SF3A3: variants seen among roughly 807,000 people sequenced by gnomAD.
SF3A3 encodes the protein splicing factor 3a subunit 3, also known as SAP 61.
SF3A3 carries 9 observed loss-of-function variants against 85.8 expected under a neutral mutation model. That is an observed-to-expected ratio of 0.10 (90% CI 0.06 to 0.18). The LOEUF is 0.18. SF3A3 is among the 10% of genes least tolerant of loss of function. SF3A3 has a pLI of 1.00. For synonymous variants in SF3A3, 195 were observed against 204.4 expected, an observed-to-expected ratio of 0.95 and a Z score of 0.39; for missense variants, 306 against 593.3, an observed-to-expected ratio of 0.52 and a Z score of 5.03.
chr1:37,976,105 C>CGGATTACACCACTGTACTCCAGCCT (rs1646377856), intron 12 of SF3A3, among the ~76,000 whole-genome samples: 1 of 151,422 alleles, frequency 6.6e-6, no homozygotes, highest in East Asian at 1.9e-4. Context: ...GCAGTGAGCC[C>CGGATTACACCACTGTACTCCAGCCT]GGATTACACC....
chr1:37,985,879 C>T (rs902565233), intron 4 of SF3A3, among the ~76,000 whole-genome samples: 2 of 151,756 alleles, frequency 1.3e-5, no homozygotes, highest in African/African-American at 4.8e-5. Context: ...TCCCTGTGCT[C>T]CTTCAAATAA....
rs10699691 is a variant in SF3A3 at position 37,961,759 on chromosome 1, C to CAAAAAAAAAAAAAAAAAAAAAAAAAAAA, written c.1373-1585_1373-1584insTTTTTTTTTTTTTTTTTTTTTTTTTTTT. Among the ~76,000 whole-genome samples the CAAAAAAAAAAAAAAAAAAAAAAAAAAAA allele has an allele frequency of 5.3e-5, 2 of 37,802 alleles. 1 individual carries two copies. The highest frequency in any genetic ancestry group is 2.6e-3 in the East Asian group (2 of 776). The allele number at this position is 37,802 out of a possible 152,430, so 24.8% of individuals were successfully genotyped here. A position where few individuals can be genotyped will look rare whatever the true frequency, so the allele number is the denominator to read the frequency against. Reference sequence around the variant, plus strand: ...AGCCTGGGTGACAAAGCAAGACTGCCAAAAAAAAAAAAAAAAAAAAAAAAG... The same window carrying CAAAAAAAAAAAAAAAAAAAAAAAAAAAA: ...AGCCTGGGTGACAAAGCAAGACTGCCAAAAAAAAAAAAAAAAAAAAAAAAAAAAAAAAAAAAAAAAAAAAAAAAAAAAG... On this transcript the variant is annotated intron_variant, in intron 15 of 16. Coordinates refer to ENST00000373019, the MANE Select transcript of SF3A3 (RefSeq NM_006802.4).
Position 37,969,421 on chromosome 1 carries a change from T to G in SF3A3, c.1214A>C (p.Asn405Thr). Residue 405 changes from asparagine to threonine, a missense_variant, in exon 14 of 17, where the codon AAC (asparagine) becomes ACC (threonine). This residue lies in a region of SF3A3 where 136 missense variants were observed against 296.6 expected (regional missense o/e 0.46). Coordinates refer to ENST00000373019, the MANE Select transcript of SF3A3 (RefSeq NM_006802.4). ...GTTTCCACAAATCTCACAGTTGTAG[T>G]TGATATTTAGGCCATGAAGCTTATA... The part of the protein sequence containing the change: ...WLYKLHGLNI[N>T]YNCEICGNYT... 1 of 1,613,106 alleles carries G rather than the reference T, an allele frequency of 6.2e-7. No individual in the cohort carries two copies. The highest frequency in any genetic ancestry group is 1.1e-5 in the South Asian group (1 of 91,038).
chr1:37,969,854 C>G (rs1284056558), intron 12 of SF3A3, 119 bp from the exon 13 acceptor site: 2 of 1,110,242 alleles, frequency 1.8e-6, no homozygotes, highest in Non-Finnish European at 2.5e-6. Context: ...TTCTTTCTTA[C>G]AGAATAAAGG....
chr1:37,978,586 A>G (rs1304875883), intron 11 of SF3A3, 134 bp downstream of exon 11: 1 of 611,614 alleles, frequency 1.6e-6, no homozygotes, highest in Non-Finnish European at 3.0e-6. Flanking sequence ...ATTAGCAGAG[A>G]TAAAGAGCAG....
At chr1:37,973,497 T>G (rs952777449) in intron 12 of SF3A3, among the ~76,000 whole-genome samples, 7 of 152,174 alleles carry the variant, frequency 4.6e-5, no homozygotes, top group Non-Finnish European at 8.8e-5. Flanking sequence ...ACAAAGAATC[T>G]ACAAAGAGAA....
intron 4 of SF3A3, among the ~76,000 whole-genome samples, chr1:37,986,218 G>C (rs1264727885): frequency 6.6e-6 from 1 of 152,090 alleles, no homozygotes; most frequent in East Asian, 1.9e-4. Context: ...AAAGTGCTGG[G>C]ATTACAGGCG....
chr1:37,969,022 T>C (rs1646320941), intron 14 of SF3A3, among the ~76,000 whole-genome samples: 1 of 152,188 alleles, frequency 6.6e-6, no homozygotes, highest in African/African-American at 2.4e-5. Context: ...TCTTGAGTAT[T>C]AGCAATGGGG....
intron 2 of SF3A3, among the ~76,000 whole-genome samples, chr1:37,989,107 TG>T (rs1003987705): frequency 6.6e-6 from 1 of 151,788 alleles, no homozygotes; most frequent in African/African-American, 2.4e-5. Context: ...CTGACCAACA[TG>T]TTTAGTAGAA....
At chr1:37,983,781 C>T (rs1349959916) in intron 6 of SF3A3, among the ~76,000 whole-genome samples, 1 of 151,144 alleles carries the variant, frequency 6.6e-6, no homozygotes, top group African/African-American at 2.4e-5. Flanking sequence ...CAAAAAAAGA[C>T]AAAAATTAGC....
chr1:37,984,162 G>A lies in SF3A3; in HGVS notation c.468+7C>T, dbSNP rs144827669. 5.6e-4 allele frequency: 869 copies of A among 1,554,134 alleles called. 3 individuals carry two copies. The African/African-American group carries it at 0.011, about 19-fold the overall frequency. On this transcript the variant is annotated splice_region_variant and intron_variant, in intron 6 of 16. Transcript: ENST00000373019. ...TCAGAACCTCTCTGCCCTTTCCCAG[G>A]CCTTACCTCAGATGCCTTCAGGTTA...
chr1:37,989,739 C>T, intron 1 of SF3A3, 131 bp downstream of exon 1: 1 of 1,234,392 alleles, frequency 8.1e-7, no homozygotes, highest in Non-Finnish European at 1.2e-6. Context: ...AGGAGGTTAC[C>T]AAGACCGGAG....
chr1:37,959,080 C>G, intron 16 of SF3A3, among the ~76,000 whole-genome samples: 1 of 143,320 alleles, frequency 7.0e-6, no homozygotes, highest in Non-Finnish European at 1.5e-5. Flanking sequence ...ACTTTTTTTT[C>G]TTTTTTTTTT....
intron 14 of SF3A3, 55 bp from the exon 15 acceptor site, chr1:37,968,189 A>G: frequency 3.9e-6 from 4 of 1,023,112 alleles, no homozygotes; most frequent in South Asian, 2.5e-5. Flanking sequence ...CTGAACACAG[A>G]GCACTAACTC....
At position 37,979,059 on chromosome 1, in the gene SF3A3, T is replaced by C. The variant is rs1213336010; in HGVS notation, c.760-4A>G. On this transcript the variant is annotated splice_region_variant and splice_polypyrimidine_tract_variant and intron_variant, in intron 9 of 16. Coordinates refer to ENST00000373019, the MANE Select transcript of SF3A3 (RefSeq NM_006802.4). ...CCAAACCCAGAGAAGCCAACTCCTA[T>C]ACAAAGAAGAGAAAAATTACAATAT... is the stretch of plus-strand genomic sequence containing the variant. The C allele has an allele frequency of 6.2e-7, 1 of 1,612,340 alleles. No homozygotes were observed. Among genetic ancestry groups the C allele is most frequent in the Middle Eastern group, 1.7e-4 (1 of 6,050 alleles).
At chr1:37,965,596 A>G (rs1646294292) in intron 15 of SF3A3, among the ~76,000 whole-genome samples, 1 of 152,018 alleles carries the variant, frequency 6.6e-6, no homozygotes, top group Non-Finnish European at 1.5e-5. Flanking sequence ...TTTACAAAAA[A>G]TACAAAAATT....
chr1:37,982,998 A>T (rs947565865), intron 6 of SF3A3, among the ~76,000 whole-genome samples: 4 of 151,676 alleles, frequency 2.6e-5, no homozygotes. Flanking sequence ...GCAATGAATG[A>T]CACAATCTCG....
In SF3A3 at chr1:37,967,604, G is replaced by C. The variant is rs556560440; in HGVS notation, c.1372+440C>G. Among the ~76,000 whole-genome samples, 16 of 133,690 alleles carry C rather than the reference G, an allele frequency of 1.2e-4. No individual in the cohort carries two copies. The East Asian group carries it at 3.8e-3, about 32-fold the overall frequency. 87.7% of individuals were successfully genotyped at this position (133,690 alleles called of 152,430 possible). On this transcript the variant is annotated intron_variant, in intron 15 of 16. Transcript: ENST00000373019. Reference sequence around the variant, plus strand: ...GAGGCAGGAGAATGGCATGAACCCAGGAGGTGGAACTTGCAGTGAGCCGAG... The same window carrying C: ...GAGGCAGGAGAATGGCATGAACCCACGAGGTGGAACTTGCAGTGAGCCGAG...
chr1:37,968,414 A>G (rs28605027), intron 14 of SF3A3, among the ~76,000 whole-genome samples: 14,763 of 152,256 alleles, frequency 0.097, 873 homozygotes, highest in East Asian at 0.17. Context: ...AAGATCACAG[A>G]AAAACATCAC....
Sources: gnomAD v4.1 joint callset for allele counts (sites outside exome capture counted in the v4.1 genomes callset) on GRCh38, gnomAD v4.1.1 for gene constraint, gnomAD v4.1.1 regional missense constraint, MANE v1.5 for transcripts, NCBI Gene and HGNC (gene_info 2026-07-23, HGNC 2026-07-21) for gene names.